Variants in CDC14A observed in about 807,000 individuals in gnomAD.
CDC14A encodes the protein cell division cycle 14A.
A neutral mutation model predicts 74.4 loss-of-function variants in CDC14A; 53 were observed. The observed-to-expected ratio is 0.71, with a 90% CI of 0.57 to 0.89. The LOEUF (loss-of-function observed/expected upper bound fraction) is 0.89. Ranked by LOEUF, CDC14A falls within the 40% of genes least tolerant of loss-of-function variation. CDC14A has a pLI of 0.00. For missense variants in CDC14A, 646 were observed against 713.7 expected (o/e 0.91, Z 1.08); for synonymous variants, 247 against 258.4 (o/e 0.96, Z 0.43).
upstream of CDC14A, among the ~76,000 whole-genome samples, chr1:100,349,294 C>A (rs188144700): frequency 6.6e-6 from 1 of 152,062 alleles, no homozygotes; most frequent in Non-Finnish European, 1.5e-5. Flanking sequence ...TGCAGTTGAG[C>A]GATATGTAAA....
chr1:100,420,120 GTTTTTTTTT>G (rs61463263), intron 4 of CDC14A, among the ~76,000 whole-genome samples: 4 of 48,204 alleles, frequency 8.3e-5, no homozygotes, highest in Non-Finnish European at 1.6e-4. Context: ...TGCTGAAAAG[GTTTTTTTTT>G]TTTTTTTTTT....
At position 100,390,730 on chromosome 1, in the gene CDC14A, A is replaced by G. The variant is rs1657581670; in HGVS notation, c.217-2A>G. On this transcript the variant is annotated splice_acceptor_variant, in intron 3 of 15. Coordinates refer to ENST00000336454, the MANE Select transcript of CDC14A (RefSeq NM_003672.4). LOFTEE classifies it high-confidence loss of function. ...CTAACTCTTTTTATCTCCTCTTTCT[A>G]GTCATACAGTTTGTCAAGAAAGAAA... The G allele has an allele frequency of 2.5e-6, 4 of 1,586,750 alleles. No individual in the cohort carries two copies. The highest frequency in any genetic ancestry group is 3.5e-6 in the Non-Finnish European group (4 of 1,155,800).
chr1:100,501,856 G>A (rs926527830), intron 15 of CDC14A, among the ~76,000 whole-genome samples: 2 of 151,962 alleles, frequency 1.3e-5, no homozygotes, highest in African/African-American at 4.8e-5. Flanking sequence ...GTGTGTGTTT[G>A]TGTCTTCATT....
At chr1:100,413,686 T>C (rs1263911972) in intron 4 of CDC14A, among the ~76,000 whole-genome samples, 1 of 152,220 alleles carries the variant, frequency 6.6e-6, no homozygotes, top group Non-Finnish European at 1.5e-5. Flanking sequence ...CCAGAAAGTT[T>C]ATGATCTTTC....
intron 10 of CDC14A, among the ~76,000 whole-genome samples, chr1:100,477,618 G>GA (rs1410020845): frequency 6.6e-6 from 1 of 151,696 alleles, no homozygotes; most frequent in African/African-American, 2.4e-5. Flanking sequence ...CAAGAAAAAA[G>GA]AAAAAAACAA....
chr1:100,501,554 A>G (rs1458683561), intron 15 of CDC14A, among the ~76,000 whole-genome samples: 1 of 152,220 alleles, frequency 6.6e-6, no homozygotes, highest in Non-Finnish European at 1.5e-5. Flanking sequence ...CTAGCAATAC[A>G]ATTATGTACA....
At chr1:100,493,097 A>G (rs534548458) in intron 11 of CDC14A, among the ~76,000 whole-genome samples, 4 of 152,320 alleles carry the variant, frequency 2.6e-5, no homozygotes, top group African/African-American at 9.6e-5. Context: ...TGAAAGGTTG[A>G]ATTTTAGAAT....
At chr1:100,511,338 G>C (rs183073397) in intron 15 of CDC14A, among the ~76,000 whole-genome samples, 1 of 152,096 alleles carries the variant, frequency 6.6e-6, no homozygotes, top group Non-Finnish European at 1.5e-5. Flanking sequence ...ATACTCCTCC[G>C]CTCTACAGCT....
At position 100,442,961 on chromosome 1, in the gene CDC14A, G is replaced by A. The variant is rs79431254; in HGVS notation, c.484G>A (p.Glu162Lys). 1 of 1,604,064 alleles carries A rather than the reference G, an allele frequency of 6.2e-7. No homozygotes were observed. The highest frequency in any genetic ancestry group is 2.2e-5 in the East Asian group (1 of 44,666). ...KGLQHGFFDFETFDVDEYEHY... is the reference protein window; with the variant it reads ...KGLQHGFFDFKTFDVDEYEHY... ...ATTACAACATGGATTTTTTGACTTT[G>A]AGACATTTGATGTGGATGAATATGA... Residue 162 changes from glutamate to lysine, a missense_variant, in exon 7 of 16, where the codon GAG becomes AAG. Coordinates refer to ENST00000336454, the MANE Select transcript of CDC14A (RefSeq NM_003672.4).
intron 4 of CDC14A, among the ~76,000 whole-genome samples, chr1:100,409,189 A>C (rs1423965387): frequency 6.6e-6 from 1 of 152,168 alleles, no homozygotes; most frequent in East Asian, 1.9e-4. Context: ...CTCCTTTTTA[A>C]GAACATCAGA....
At chr1:100,405,868 G>T (rs556196137) in intron 4 of CDC14A, among the ~76,000 whole-genome samples, 2 of 152,300 alleles carry the variant, frequency 1.3e-5, no homozygotes, top group Non-Finnish European at 2.9e-5. Flanking sequence ...GTAATAGAAT[G>T]ATTTTTATTC....
chr1:100,358,734 C>A (rs1397533488), intron 2 of CDC14A, among the ~76,000 whole-genome samples: 2 of 152,060 alleles, frequency 1.3e-5, no homozygotes, highest in African/African-American at 4.8e-5. Context: ...TTAATGCATC[C>A]AGGAAGTTTT....
intron 2 of CDC14A, among the ~76,000 whole-genome samples, chr1:100,369,046 G>T (rs984654585): frequency 4.0e-5 from 6 of 151,652 alleles, no homozygotes; most frequent in African/African-American, 1.5e-4. Flanking sequence ...TTAGATTCCC[G>T]CCGCCAACAG....
At position 100,508,596 on chromosome 1, in the gene CDC14A, C is replaced by G. The variant is rs1649441059; in HGVS notation, c.1755+9334C>G. Among the ~76,000 whole-genome samples the G allele has an allele frequency of 6.6e-6, 1 of 152,130 alleles. No individual in the cohort carries two copies. Among genetic ancestry groups the G allele is most frequent in the Non-Finnish European group, 1.5e-5 (1 of 68,018 alleles). ...CAGTCTAGAAACAGACCTTAATGAC[C>G]CAGGCTTCCATCTCTTGGTGAGCTC... On this transcript the variant is annotated intron_variant, in intron 15 of 15. Coordinates refer to ENST00000336454, the MANE Select transcript of CDC14A (RefSeq NM_003672.4). This position sits in a 1 kb window ranked among gnomAD's most constrained non-coding sequence, Gnocchi z 4.4.
At chr1:100,363,300 GCT>G (rs1178116271) in intron 2 of CDC14A, 2 of 152,168 alleles carry the variant, frequency 1.3e-5, no homozygotes, top group African/African-American at 4.8e-5. Flanking sequence ...TACGTGTGCA[GCT>G]CTCTTTTACA....
chr1:100,403,794 A>G (rs542440073), intron 4 of CDC14A, among the ~76,000 whole-genome samples: 3 of 152,316 alleles, frequency 2.0e-5, no homozygotes, highest in East Asian at 3.9e-4. Context: ...GCCTGTAGCT[A>G]GGTCAACGTT....
Position 100,359,937 on chromosome 1 carries a change from C to CCTT in CDC14A, c.140+6092_140+6094dup, listed in dbSNP as rs200159378. 2.2e-3 allele frequency among the ~76,000 whole-genome samples: 322 copies of CCTT among 144,312 alleles called. 4 individuals carry two copies. The highest frequency in any genetic ancestry group is 7.0e-3 in the Middle Eastern group (2 of 286). 94.7% of individuals were successfully genotyped at this position (144,312 alleles called of 152,430 possible). ...TATTGTTCAGGGCTGCTTTTTTTCA[C>CCTT]CTTCTTCTTTTTTTTTTTTTTTTTG... On this transcript the variant is annotated intron_variant, in intron 2 of 15. Coordinates refer to ENST00000336454, the MANE Select transcript of CDC14A (RefSeq NM_003672.4).
intron 4 of CDC14A, among the ~76,000 whole-genome samples, chr1:100,405,682 A>G (rs116550592): frequency 1.3e-3 from 203 of 152,340 alleles, no homozygotes; most frequent in African/African-American, 4.7e-3. Flanking sequence ...TTCTAACTCC[A>G]TTTATGTCCC....
intron 2 of CDC14A, among the ~76,000 whole-genome samples, chr1:100,359,841 T>C (rs1652435973): frequency 1.3e-5 from 2 of 152,068 alleles, no homozygotes; most frequent in Admixed American, 1.3e-4. Flanking sequence ...AACTGTTTAC[T>C]TTCTAAAAGA....
Sources: gnomAD v4.1 joint callset for allele counts (sites outside exome capture counted in the v4.1 genomes callset) on GRCh38, gnomAD v4.1.1 for gene constraint, Gnocchi (gnomAD v3.1) non-coding constraint, MANE v1.5 for transcripts, NCBI Gene and HGNC (gene_info 2026-07-23, HGNC 2026-07-21) for gene names.